DPYD: variants seen among roughly 807,000 people sequenced by gnomAD.
DPYD encodes the protein dihydropyrimidine dehydrogenase [NADP(+)].
In DPYD, 109 loss-of-function variants were observed where a neutral mutation model predicts 116.2. The ratio of observed to expected loss-of-function variants is 0.94; its 90% CI spans 0.80 to 1.10. The LOEUF is 1.10. Ranked by LOEUF, DPYD falls within the 50% of genes least tolerant of loss-of-function variation. DPYD has a pLI of 0.00. For synonymous variants in DPYD, 440 were observed against 432.0 expected (o/e 1.02, Z -0.23); for missense variants, 1,302 against 1,254.5 (o/e 1.04, Z -0.57).
chr1:97,622,170 G>A (rs1377067930), intron 8 of DPYD, among the ~76,000 whole-genome samples: 1 of 151,912 alleles, frequency 6.6e-6, no homozygotes, highest in African/African-American at 2.4e-5. Flanking sequence ...GATATGCAAA[G>A]AGTCATAAAA....
At chr1:97,470,601 AG>A (rs1029474077) in intron 13 of DPYD, among the ~76,000 whole-genome samples, 1 of 152,204 alleles carries the variant, frequency 6.6e-6, no homozygotes, top group African/African-American at 2.4e-5. Flanking sequence ...TAACTGCACG[AG>A]GATACTGGGA....
chr1:97,718,179 T>C (rs1291832518), intron 5 of DPYD, among the ~76,000 whole-genome samples: 3 of 152,070 alleles, frequency 2.0e-5, no homozygotes, highest in Non-Finnish European at 4.4e-5. Flanking sequence ...AGTAAGGTGG[T>C]AGTGCATTCT....
intron 20 of DPYD, among the ~76,000 whole-genome samples, chr1:97,100,959 T>C (rs972980393): frequency 1.3e-5 from 2 of 152,066 alleles, no homozygotes; most frequent in African/African-American, 4.8e-5. Flanking sequence ...AAGTTTCTAA[T>C]GTGCTAATTG....
intron 15 of DPYD, 121 bp from the exon 16 acceptor site, chr1:97,373,765 C>T: frequency 2.4e-6 from 2 of 841,678 alleles, no homozygotes; most frequent in Non-Finnish European, 3.9e-6. Context: ...TTCTGCATCA[C>T]AGCTATCTTG....
chr1:97,330,427 C>A (rs1009436102), intron 16 of DPYD, among the ~76,000 whole-genome samples: 2 of 152,096 alleles, frequency 1.3e-5, no homozygotes, highest in African/African-American at 4.8e-5. Flanking sequence ...GTTATATAAC[C>A]AGTCTGTAAT....
intron 20 of DPYD, among the ~76,000 whole-genome samples, chr1:97,153,718 A>G (rs751711362): frequency 6.6e-6 from 1 of 152,204 alleles, no homozygotes; most frequent in Non-Finnish European, 1.5e-5. Context: ...GACAACCCAC[A>G]GAATGGGAGA....
chr1:97,180,208 G>A (rs1237141879), intron 20 of DPYD, among the ~76,000 whole-genome samples: 1 of 151,718 alleles, frequency 6.6e-6, no homozygotes, highest in East Asian at 1.9e-4. Context: ...AGGACAAATT[G>A]GCATAAAGCT....
intron 1 of DPYD, among the ~76,000 whole-genome samples, chr1:97,901,579 C>A (rs2101685366): frequency 6.6e-6 from 1 of 151,796 alleles, no homozygotes; most frequent in Admixed American, 6.6e-5. Context: ...CCCATATTAA[C>A]AATTTGTGAT....
At chr1:97,084,449 T>G (rs1649368128) in intron 21 of DPYD, among the ~76,000 whole-genome samples, 1 of 151,870 alleles carries the variant, frequency 6.6e-6, no homozygotes, top group Non-Finnish European at 1.5e-5. Flanking sequence ...TTTCTCACCT[T>G]TTCCCCTTTT....
At chr1:97,637,734 T>C (rs1046196067) in intron 8 of DPYD, among the ~76,000 whole-genome samples, 10 of 152,184 alleles carry the variant, frequency 6.6e-5, no homozygotes, top group African/African-American at 2.4e-4. Context: ...AGAACAGTGA[T>C]GCCTACTCTG....
intron 18 of DPYD, among the ~76,000 whole-genome samples, chr1:97,290,163 C>G (rs1285015108): frequency 6.6e-6 from 1 of 152,156 alleles, no homozygotes; most frequent in Non-Finnish European, 1.5e-5. Context: ...AGGAGAACTA[C>G]AAACCACTGC....
At chr1:97,358,559 C>G (rs1374827302) in intron 16 of DPYD, among the ~76,000 whole-genome samples, 1 of 152,208 alleles carries the variant, frequency 6.6e-6, no homozygotes, top group Non-Finnish European at 1.5e-5. Context: ...TAGGGGCCGA[C>G]AGACACCACA....
At chr1:97,627,361 A>G (rs1431813542) in intron 8 of DPYD, among the ~76,000 whole-genome samples, 2 of 152,056 alleles carry the variant, frequency 1.3e-5, no homozygotes, top group African/African-American at 4.8e-5. Context: ...TTATTTCTAG[A>G]AACAGAAAAG....
chr1:97,226,505 A>C lies in DPYD; in HGVS notation c.2442+8347T>G, dbSNP rs1279434023. On this transcript the variant is annotated intron_variant, in intron 19 of 22. Coordinates refer to ENST00000370192, the MANE Select transcript of DPYD (RefSeq NM_000110.4). ...GGAAGCCTCCACCAAAAAACAGAAC[A>C]GTTAGAATAAATGTATTCAATAAAG... 2.6e-5 allele frequency among the ~76,000 whole-genome samples: 4 copies of C among 152,218 alleles called. No individual in the cohort carries two copies. The East Asian group carries it at 7.7e-4, about 29-fold the overall frequency.
chr1:97,389,126 A>G (rs956331744), intron 14 of DPYD, among the ~76,000 whole-genome samples: 3 of 151,938 alleles, frequency 2.0e-5, no homozygotes, highest in Non-Finnish European at 4.4e-5. Flanking sequence ...GACTATGAGG[A>G]AGAGATAAAA....
chr1:97,571,701 A>T (rs985855588), intron 11 of DPYD, among the ~76,000 whole-genome samples: 3 of 151,972 alleles, frequency 2.0e-5, no homozygotes. Flanking sequence ...GATTAACATG[A>T]ATATCTTCTC....
chr1:97,159,739 TG>T (rs1218362068), intron 20 of DPYD, among the ~76,000 whole-genome samples: 1 of 151,920 alleles, frequency 6.6e-6, no homozygotes, highest in East Asian at 1.9e-4. Flanking sequence ...TATGAAAAAA[TG>T]GGAAAATAAC....
At chr1:97,291,032 G>T (rs1167288727) in intron 18 of DPYD, among the ~76,000 whole-genome samples, 1 of 152,198 alleles carries the variant, frequency 6.6e-6, no homozygotes, top group Admixed American at 6.5e-5. Flanking sequence ...CGAAGGACAT[G>T]AACAGACACT....
rs1657383374 is a variant in DPYD, at chr1:97,177,648, G to A, written c.2622+15421C>T. 2.6e-5 allele frequency among the ~76,000 whole-genome samples: 4 copies of A among 150,952 alleles called. No homozygotes were observed. In the South Asian group the frequency reaches 6.3e-4, roughly 24 times the overall value. On this transcript the variant is annotated intron_variant, in intron 20 of 22. Transcript: ENST00000370192. ...GGAAATAGGGGCTAAGAGAAAGTAT[G>A]TATATTGTCCAAGGCTTACTGCTTA...
Sources: gnomAD v4.1 joint callset for allele counts (sites outside exome capture counted in the v4.1 genomes callset) on GRCh38, gnomAD v4.1.1 for gene constraint, MANE v1.5 for transcripts, NCBI Gene and HGNC (gene_info 2026-07-23, HGNC 2026-07-21) for gene names.